Variants in COA6 observed in about 807,000 individuals in gnomAD.
COA6 encodes the protein cytochrome c oxidase assembly factor 6 homolog.
COA6 carries 12 observed loss-of-function variants against 17.1 expected under a neutral mutation model. That is an observed-to-expected ratio of 0.70 (90% CI 0.45 to 1.14). COA6 has a LOEUF of 1.14. COA6 is among the 50% of genes most tolerant of loss of function. The pLI is 0.00. For missense variants in COA6, 246 were observed against 196.5 expected, an observed-to-expected ratio of 1.25 and a Z score of -1.51; for synonymous variants, 90 against 73.4, an observed-to-expected ratio of 1.23 and a Z score of -1.16.
In COA6 at chr1:234,377,135, T is replaced by TTTTTTGTTGTTGTTGTC. The variant is rs1658831086; in HGVS notation, c.372+2746_372+2747insTTTTTGTTGTTGTTGTC. Among the ~76,000 whole-genome samples, 2 of 139,558 alleles carry TTTTTTGTTGTTGTTGTC rather than the reference T, an allele frequency of 1.4e-5. 1 individual carries two copies. Among genetic ancestry groups the TTTTTTGTTGTTGTTGTC allele is most frequent in the Admixed American group, 1.5e-4 (2 of 13,674 alleles). The allele number at this position is 139,558 out of a possible 152,430, so 91.6% of individuals were successfully genotyped here. ...CTGTCTCCTCTTTTTTTGTTTTTTT[T>TTTTTTGTTGTTGTTGTC]GTTGTTGTTGAGACAGAGTCTCACT... On this transcript the variant is annotated intron_variant, in intron 2 of 2. Transcript: ENST00000366615.
At position 234,373,487 on chromosome 1, in the gene COA6, A is replaced by C. The variant is rs1440744167; in HGVS notation, c.21A>C (p.Gln7His). The C allele has an allele frequency of 6.3e-7, 1 of 1,579,118 alleles. No homozygotes were observed. Among genetic ancestry groups the C allele is most frequent in the Admixed American group, 1.9e-5 (1 of 53,796 alleles). Residue 7 changes from glutamine (Q) to histidine (H), a missense_variant, in exon 1 of 3, where the codon CAA becomes CAC. Physicochemically the swap from Gln to His is conservative, Grantham distance 24. Coordinates refer to ENST00000366615, the MANE Select transcript of COA6 (RefSeq NM_001206641.3). MVARKGQKSPRFRRVSC... is the reference protein window; with the variant it reads MVARKGHKSPRFRRVSC... Reference sequence around the variant, plus strand: ...AGTAAATGGTAGCTCGGAAGGGTCAAAAGAGTCCGCGGTTTCGCCGCGTGA... The same window carrying C: ...AGTAAATGGTAGCTCGGAAGGGTCACAAGAGTCCGCGGTTTCGCCGCGTGA...
chr1:234,373,494 C>T lies in COA6; in HGVS notation c.28C>T (p.Pro10Ser). The T allele has an allele frequency of 6.3e-7, 1 of 1,588,926 alleles. No homozygotes were observed. The highest frequency in any genetic ancestry group is 8.6e-7 in the Non-Finnish European group (1 of 1,167,960). Residue 10 changes from proline to serine, a missense_variant, in exon 1 of 3, where the codon CCG becomes TCG. Coordinates refer to ENST00000366615, the MANE Select transcript of COA6 (RefSeq NM_001206641.3). MVARKGQKS[P>S]RFRRVSCFLR... ...GGTAGCTCGGAAGGGTCAAAAGAGT[C>T]CGCGGTTTCGCCGCGTGAGTTGCTT...
In COA6 at chr1:234,374,351, T is replaced by C; in HGVS notation, c.334T>C (p.Leu112=). ...NLEDASQCKK[L]RSSFESSCPQ... ...AGAGGATGCTTCTCAATGCAAGAAG[T>C]TAAGAAGCTCTTTCGAATCAAGTTG... Residue 112 remains leucine, a synonymous_variant, in exon 2 of 3, where the codon TTA becomes CTA. Coordinates refer to ENST00000366615, the MANE Select transcript of COA6 (RefSeq NM_001206641.3). 6.2e-7 allele frequency: 1 copy of C among 1,614,032 alleles called. No individual in the cohort carries two copies. Among genetic ancestry groups the C allele is most frequent in the Non-Finnish European group, 8.5e-7 (1 of 1,180,008 alleles).
At chr1:234,377,022 T>C (rs1240138196) in intron 2 of COA6, among the ~76,000 whole-genome samples, 1 of 149,950 alleles carries the variant, frequency 6.7e-6, no homozygotes, top group Non-Finnish European at 1.5e-5. Context: ...AGGGCCCTCA[T>C]CCTGGCTTGT....
chr1:234,375,133 C>CAAA (rs11341337), intron 2 of COA6, among the ~76,000 whole-genome samples: 2 of 128,440 alleles, frequency 1.6e-5, no homozygotes, highest in African/African-American at 5.9e-5. Context: ...ACTAAAAATA[C>CAAA]AAAAAAAAAA....
At chr1:234,380,490 T>G (rs1658941730) in intron 2 of COA6, among the ~76,000 whole-genome samples, 1 of 152,182 alleles carries the variant, frequency 6.6e-6, no homozygotes, top group African/African-American at 2.4e-5. Context: ...ATTTCAAAAT[T>G]TGGATCTTTT....
At chr1:234,381,243 CA>C (rs1422872368) in intron 2 of COA6, among the ~76,000 whole-genome samples, 1 of 152,332 alleles carries the variant, frequency 6.6e-6, no homozygotes, top group East Asian at 1.9e-4. Flanking sequence ...AGACCACTCG[CA>C]TATGTGTATA....
chr1:234,382,612 C>T (rs752734621), intron 2 of COA6, among the ~76,000 whole-genome samples: 10 of 152,178 alleles, frequency 6.6e-5, no homozygotes, highest in African/African-American at 2.2e-4. Context: ...TTTTTACTTA[C>T]GAGCACCACT....
chr1:234,374,051 G>A (rs902475985), intron 1 of COA6, 179 bp from the exon 2 acceptor site: 3 of 880,632 alleles, frequency 3.4e-6, no homozygotes, highest in Admixed American at 2.9e-5. Context: ...TGCTGCCACT[G>A]AGAACTGATT....
rs1437461924 is a variant in COA6, at chr1:234,374,105, TG to T, written c.213-124del. On this transcript the variant is annotated intron_variant, in intron 1 of 2. Transcript: ENST00000366615. ...AAAATCCCTAAGCATGGTTTTGTTTTGTTTTTGTTTTTTTTTTTTTTTTTAG... is the reference window on the plus strand; with the variant it reads ...AAAATCCCTAAGCATGGTTTTGTTTTTTTTTGTTTTTTTTTTTTTTTTTAG... The T allele has an allele frequency of 1.6e-4, 175 of 1,066,716 alleles. No homozygotes were observed. The African/African-American group carries it at 4.1e-3, about 25-fold the overall frequency. 66.1% of individuals were successfully genotyped at this position (1,066,716 alleles called of 1,614,324 possible). A position where few individuals can be genotyped will look rare whatever the true frequency, so the allele number is the denominator to read the frequency against.
chr1:234,381,696 A>C (rs1658975019), intron 2 of COA6, among the ~76,000 whole-genome samples: 1 of 152,224 alleles, frequency 6.6e-6, no homozygotes, highest in Non-Finnish European at 1.5e-5. Flanking sequence ...ACAGCAACCC[A>C]AGTGAGAAAT....
intron 2 of COA6, among the ~76,000 whole-genome samples, chr1:234,375,587 A>T (rs550770399): frequency 6.6e-6 from 1 of 152,324 alleles, no homozygotes; most frequent in African/African-American, 2.4e-5. Flanking sequence ...GAAGGCTGTG[A>T]TGCAGGGAGG....
At position 234,373,645 on chromosome 1, in the gene COA6, A is replaced by T. The variant is rs769265311; in HGVS notation, c.179A>T (p.His60Leu). The change falls in exon 1 of 3, where the codon CAT (histidine) becomes CTT (leucine). Residue 60 changes from histidine to leucine, a missense_variant. By Grantham distance (99) the His-to-Leu change is moderately conservative. Coordinates refer to ENST00000366615, the MANE Select transcript of COA6 (RefSeq NM_001206641.3). ...TGCGTGACAGTTTCCTCCCGTCGAC[A>T]TCGAAAGGAAGCCGGACGTGGGCGG... ...VACVTVSSRR[H>L]RKEAGRGRAE... 1 of 1,613,146 alleles carries T rather than the reference A, an allele frequency of 6.2e-7. No homozygotes were observed. The highest frequency in any genetic ancestry group is 1.1e-5 in the South Asian group (1 of 91,016).
At chr1:234,383,338 G>A (rs1308147571) in intron 2 of COA6, among the ~76,000 whole-genome samples, 2 of 139,876 alleles carry the variant, frequency 1.4e-5, no homozygotes, top group African/African-American at 2.6e-5. Flanking sequence ...TCTAGACAAT[G>A]AGAACACATC....
intron 2 of COA6, among the ~76,000 whole-genome samples, chr1:234,378,185 A>G (rs1658865884): frequency 6.6e-6 from 1 of 152,214 alleles, no homozygotes; most frequent in African/African-American, 2.4e-5. Flanking sequence ...ATAGAGAAAA[A>G]AAATCACCCA....
chr1:234,377,478 A>G (rs1476180287), intron 2 of COA6, among the ~76,000 whole-genome samples: 3 of 152,072 alleles, frequency 2.0e-5, no homozygotes, highest in Admixed American at 6.6e-5. Flanking sequence ...GCCCACACTC[A>G]TGACCTGCAC....
At chr1:234,383,624 T>G in intron 2 of COA6, 99 bp from the exon 3 acceptor site, 2 of 607,940 alleles carry the variant, frequency 3.3e-6, no homozygotes, top group Non-Finnish European at 3.0e-6. Context: ...ATAAATCACT[T>G]AAATTTATGT....
At chr1:234,377,699 C>T (rs533489964) in intron 2 of COA6, among the ~76,000 whole-genome samples, 19 of 152,332 alleles carry the variant, frequency 1.2e-4, no homozygotes, top group African/African-American at 4.6e-4. Flanking sequence ...TATTTCATGG[C>T]TTTTGTGCCT....
intron 2 of COA6, among the ~76,000 whole-genome samples, chr1:234,382,149 T>A (rs987387767): frequency 6.6e-6 from 1 of 152,230 alleles, no homozygotes; most frequent in African/African-American, 2.4e-5. Flanking sequence ...AAAATTTAAA[T>A]GAAATGGTGT....
Sources: gnomAD v4.1 joint callset for allele counts (sites outside exome capture counted in the v4.1 genomes callset) on GRCh38, gnomAD v4.1.1 for gene constraint, MANE v1.5 for transcripts, NCBI Gene and HGNC (gene_info 2026-07-23, HGNC 2026-07-21) for gene names.